PLCB1: variants seen among roughly 807,000 people sequenced by gnomAD.
The protein encoded by PLCB1 is 1-phosphatidylinositol 4,5-bisphosphate phosphodiesterase beta-1.
Under a neutral mutation model 161.8 loss-of-function variants are expected in PLCB1, and 46 were observed. The ratio of observed to expected loss-of-function variants is 0.28; its 90% CI spans 0.22 to 0.36. The LOEUF (loss-of-function observed/expected upper bound fraction) is 0.36, where lower values mean the gene tolerates loss of function less well. PLCB1 is among the 10% of genes least tolerant of loss of function. The pLI, the probability that PLCB1 is intolerant of heterozygous loss-of-function variation, is 1.00. For missense variants in PLCB1, 1,016 were observed against 1,472.5 expected (o/e 0.69, Z 5.07); for synonymous variants, 517 against 503.7 (o/e 1.03, Z -0.35).
chr20:8,635,620 A>G (rs1474984054), intron 4 of PLCB1, among the ~76,000 whole-genome samples: 1 of 152,220 alleles, frequency 6.6e-6, no homozygotes, highest in Non-Finnish European at 1.5e-5. Flanking sequence ...CCTACCCAGC[A>G]GTTACTCCAC....
chr20:8,580,526 T>C (rs1200008556), intron 3 of PLCB1, among the ~76,000 whole-genome samples: 1 of 152,208 alleles, frequency 6.6e-6, no homozygotes, highest in Non-Finnish European at 1.5e-5. Flanking sequence ...TTCTGCTAAA[T>C]ATGTGGGAAA....
At chr20:8,322,052 G>A (rs1039971779) in intron 2 of PLCB1, among the ~76,000 whole-genome samples, 1 of 152,136 alleles carries the variant, frequency 6.6e-6, no homozygotes, top group East Asian at 1.9e-4. Context: ...TTTTAGTAGG[G>A]GCGGATCTGA....
chr20:8,650,014 AC>A (rs1356525679), intron 7 of PLCB1: 1 of 152,096 alleles, frequency 6.6e-6, no homozygotes, highest in Non-Finnish European at 1.5e-5. Context: ...CACTCCTATA[AC>A]CCCAGTATTT....
intron 31 of PLCB1, among the ~76,000 whole-genome samples, chr20:8,815,909 A>G (rs1985067445): frequency 6.6e-6 from 1 of 152,246 alleles, no homozygotes; most frequent in Non-Finnish European, 1.5e-5. Flanking sequence ...AAAACAACAG[A>G]AACCATAAGA....
At chr20:8,469,740 A>G (rs1981971399) in intron 3 of PLCB1, among the ~76,000 whole-genome samples, 1 of 152,188 alleles carries the variant, frequency 6.6e-6, no homozygotes, top group African/African-American at 2.4e-5. Context: ...GTAACAAGTA[A>G]CCAGTCACCT....
chr20:8,583,370 C>T (rs796564057), intron 3 of PLCB1, among the ~76,000 whole-genome samples: 104 of 151,924 alleles, frequency 6.8e-4, no homozygotes, highest in African/African-American at 2.3e-3. Context: ...TCTATTTTAT[C>T]GCAATTAAAA....
At chr20:8,697,541 T>C (rs2123427726) in intron 10 of PLCB1, 85 bp from the exon 11 acceptor site, 1 of 1,362,308 alleles carries the variant, frequency 7.3e-7, no homozygotes, top group Non-Finnish European at 1.0e-6. Context: ...TTTGTTTTCC[T>C]GTTATTGAGG....
intron 27 of PLCB1, among the ~76,000 whole-genome samples, chr20:8,783,031 G>A (rs6118319): frequency 0.081 from 12,286 of 152,242 alleles, 591 homozygotes; most frequent in South Asian, 0.18. Flanking sequence ...TAGCAGAGTT[G>A]AGAACAAGCG....
intron 31 of PLCB1, among the ~76,000 whole-genome samples, chr20:8,875,751 T>C (rs1045183838): frequency 1.3e-5 from 2 of 151,954 alleles, no homozygotes; most frequent in Non-Finnish European, 2.9e-5. Flanking sequence ...TTTCAATTTG[T>C]TTCCTTAGGA....
chr20:8,557,454 A>T (rs763706290), intron 3 of PLCB1, among the ~76,000 whole-genome samples: 2 of 152,070 alleles, frequency 1.3e-5, no homozygotes, highest in African/African-American at 2.4e-5. Context: ...AAAAGGACAG[A>T]TATTTGTATG....
chr20:8,544,198 G>A (rs1169212406), intron 3 of PLCB1, among the ~76,000 whole-genome samples: 5 of 152,042 alleles, frequency 3.3e-5, no homozygotes, highest in Non-Finnish European at 5.9e-5. Context: ...AAAAAAGGCA[G>A]ATGAGAGAAC....
Position 8,786,237 on chromosome 20 carries a change from G to A in PLCB1, c.3112-2212G>A, listed in dbSNP as rs188136603. ...AGGACACTTTCAGCTAAATAGAGAC[G>A]TTGCAGGAGACCCCAAGGAAATGGC... On this transcript the variant is annotated intron_variant, in intron 27 of 31. Transcript: ENST00000338037. Among the ~76,000 whole-genome samples, 27 of 152,244 alleles carry A rather than the reference G, an allele frequency of 1.8e-4. No homozygotes were observed. In the East Asian group the frequency reaches 3.3e-3, roughly 19 times the overall value.
rs150543041 is a variant in PLCB1, at chr20:8,839,055, A to C, written c.3424-42567A>C. 2.1e-3 allele frequency among the ~76,000 whole-genome samples: 313 copies of C among 152,334 alleles called. 2 individuals carry two copies. The highest frequency in any genetic ancestry group is 7.3e-3 in the African/African-American group (302 of 41,578). Reference sequence around the variant, plus strand: ...ACAGGGATCTTAATTGGCTTTCATCACTAGTCCATTACATAGATGACATTA... The same window carrying C: ...ACAGGGATCTTAATTGGCTTTCATCCCTAGTCCATTACATAGATGACATTA... On this transcript the variant is annotated intron_variant, in intron 31 of 31. Transcript: ENST00000338037.
chr20:8,729,359 C>T, intron 18 of PLCB1, 185 bp downstream of exon 18: 1 of 406,558 alleles, frequency 2.5e-6, no homozygotes, highest in East Asian at 3.8e-5. Flanking sequence ...ACATGTTCTT[C>T]AATTATTCTG....
intron 2 of PLCB1, among the ~76,000 whole-genome samples, chr20:8,185,436 G>A (rs1429345616): frequency 6.6e-6 from 1 of 152,054 alleles, no homozygotes; most frequent in African/African-American, 2.4e-5. Flanking sequence ...AGAAGGAAAA[G>A]GTAGAGAAGG....
chr20:8,183,005 G>A (rs2051862611), intron 2 of PLCB1, among the ~76,000 whole-genome samples: 1 of 152,000 alleles, frequency 6.6e-6, no homozygotes, highest in Non-Finnish European at 1.5e-5. Flanking sequence ...TTTGGTATTT[G>A]AGCCCGTGAA....
At chr20:8,632,080 A>G (rs1194151759) in intron 4 of PLCB1, among the ~76,000 whole-genome samples, 2 of 119,962 alleles carry the variant, frequency 1.7e-5, no homozygotes, top group African/African-American at 6.1e-5. Context: ...CTGCTGAAAA[A>G]GGTAAGACTT....
intron 3 of PLCB1, among the ~76,000 whole-genome samples, chr20:8,466,136 A>G (rs919572401): frequency 6.6e-6 from 1 of 151,306 alleles, no homozygotes; most frequent in African/African-American, 2.4e-5. Context: ...ATGGAATACT[A>G]TGCAGCCATA....
At chr20:8,572,025 A>C (rs1016150895) in intron 3 of PLCB1, among the ~76,000 whole-genome samples, 1 of 152,186 alleles carries the variant, frequency 6.6e-6, no homozygotes, top group Non-Finnish European at 1.5e-5. Context: ...ATGTCATTCT[A>C]AGTAAAAAAA....
Sources: gnomAD v4.1 joint callset for allele counts (sites outside exome capture counted in the v4.1 genomes callset) on GRCh38, gnomAD v4.1.1 for gene constraint, MANE v1.5 for transcripts, NCBI Gene and HGNC (gene_info 2026-07-23, HGNC 2026-07-21) for gene names.